ST6GALNAC6: variants seen among roughly 807,000 people sequenced by gnomAD.
ST6GALNAC6 encodes the protein ST6 N-acetylgalactosaminide alpha-2,6-sialyltransferase 6.
ST6GALNAC6 carries 19 observed loss-of-function variants against 34.3 expected under a neutral mutation model. The observed-to-expected ratio is 0.55, with a 90% CI of 0.39 to 0.81. The LOEUF (loss-of-function observed/expected upper bound fraction) is 0.81. Ranked by LOEUF, ST6GALNAC6 falls within the 40% of genes least tolerant of loss-of-function variation. The pLI is 0.00. For missense variants in ST6GALNAC6, 377 were observed against 467.7 expected (o/e 0.81, Z 1.79); for synonymous variants, 185 against 182.1 (o/e 1.02, Z -0.13).
Position 127,886,703 on chromosome 9 carries a change from G to C in ST6GALNAC6, c.898C>G (p.His300Asp). 1 of 1,614,174 alleles carries C rather than the reference G, an allele frequency of 6.2e-7. No individual in the cohort carries two copies. Among genetic ancestry groups the C allele is most frequent in the African/African-American group, 1.3e-5 (1 of 75,054 alleles). Residue 300 changes from histidine (H) to aspartate (D), a missense_variant, in exon 7 of 7, where the codon CAC becomes GAC. His to Asp is a moderately conservative substitution (Grantham distance 81). Transcript: ENST00000373146. ...CGGTGGTGGTTGCCCTTGCGACTGT[G>C]CTCATTCTGGATGTAGGTGACACAT... ...DECVTYIQNE[H>D]SRKGNHHRFI...
At chr9:127,899,255 G>A (rs1300928486) in intron 1 of ST6GALNAC6, 1 of 153,424 alleles carries the variant, frequency 6.5e-6, no homozygotes, top group African/African-American at 2.4e-5. Context: ...GGGAAGAAAA[G>A]AGAGGCAGGA....
chr9:127,896,131 G>T (rs887861933), intron 3 of ST6GALNAC6, 111 bp downstream of exon 3: 22 of 1,274,846 alleles, frequency 1.7e-5, no homozygotes, highest in Admixed American at 7.2e-5. Context: ...GCAGCTTCTT[G>T]CGGGGAAGAA....
chr9:127,901,365 G>A (rs939095221), upstream of ST6GALNAC6, among the ~76,000 whole-genome samples: 5 of 152,088 alleles, frequency 3.3e-5, no homozygotes, highest in South Asian at 2.1e-4. Flanking sequence ...GGAGGCAGGC[G>A]GATCACTTGA....
At chr9:127,898,535 T>A (rs1830607578) in intron 1 of ST6GALNAC6, among the ~76,000 whole-genome samples, 1 of 152,200 alleles carries the variant, frequency 6.6e-6, no homozygotes, top group South Asian at 2.1e-4. Context: ...AGTGAAACAC[T>A]CCTCCCCTGA....
chr9:127,906,259 A>G (rs1830913595), upstream of ST6GALNAC6, among the ~76,000 whole-genome samples: 1 of 152,090 alleles, frequency 6.6e-6, no homozygotes, highest in South Asian at 2.1e-4. Flanking sequence ...AAAACAAAAA[A>G]CAAAACAAAC....
intron 1 of ST6GALNAC6, 133 bp downstream of exon 1, chr9:127,899,370 T>TA (rs1830658514): frequency 4.3e-6 from 2 of 465,256 alleles, no homozygotes; most frequent in Non-Finnish European, 5.7e-6. Flanking sequence ...GGAAGGGGTC[T>TA]AGGGGTGCCG....
chr9:127,894,740 C>T (rs777770518), intron 3 of ST6GALNAC6, 49 bp from the exon 4 acceptor site: 73 of 1,443,996 alleles, frequency 5.1e-5, no homozygotes, highest in African/African-American at 4.5e-4. Context: ...GCAGGCTCAG[C>T]GCCCCCACCT....
At chr9:127,897,589 T>A (rs1830548668) in intron 2 of ST6GALNAC6, among the ~76,000 whole-genome samples, 1 of 151,682 alleles carries the variant, frequency 6.6e-6, no homozygotes, top group African/African-American at 2.4e-5. Flanking sequence ...CAGACTCCTA[T>A]CTAGTCCAGG....
rs1830078189 is a variant in ST6GALNAC6 at position 127,890,661 on chromosome 9, A to G, written c.680T>C (p.Phe227Ser). Residue 227 changes from phenylalanine to serine, a missense_variant, in exon 5 of 7, where the codon TTC becomes TCC. By Grantham distance (155) the Phe-to-Ser change is radical. Transcript: ENST00000373146. The surrounding 1 kb of genome is among the most constrained non-coding windows in gnomAD (Gnocchi z 4.3). ...PGRMRQFDDLFRGETGKDREK... is the reference protein window; with the variant it reads ...PGRMRQFDDLSRGETGKDREK... ...CCTGTCCTTGCCCGTCTCACCCCGG[A>G]AGAGGTCGTCAAATTGCCGCATGCG... 1 of 1,613,116 alleles carries G rather than the reference A, an allele frequency of 6.2e-7. No homozygotes were observed. The highest frequency in any genetic ancestry group is 8.5e-7 in the Non-Finnish European group (1 of 1,180,024).
In ST6GALNAC6 at chr9:127,887,359, G is replaced by A. The variant is rs1829837922; in HGVS notation, c.812+125C>T. On this transcript the variant is annotated intron_variant, in intron 6 of 6. Coordinates refer to ENST00000373146, the MANE Select transcript of ST6GALNAC6 (RefSeq NM_013443.5). ...AAGAAGCCTAGATCTCTGAAGAACA[G>A]TTTGAAAACAATGAAGCAGAGGCCC... is the stretch of plus-strand genomic sequence containing the variant. 9.9e-6 allele frequency: 7 copies of A among 709,422 alleles called. No homozygotes were observed. The South Asian group carries it at 1.2e-4, about 12-fold the overall frequency. 43.9% of individuals were successfully genotyped at this position (709,422 alleles called of 1,614,324 possible). A position where few individuals can be genotyped will look rare whatever the true frequency, so the allele number is the denominator to read the frequency against.
chr9:127,894,216 C>T (rs984179828), intron 4 of ST6GALNAC6, among the ~76,000 whole-genome samples: 1 of 152,198 alleles, frequency 6.6e-6, no homozygotes, highest in African/African-American at 2.4e-5. Context: ...GCTCTGCTCC[C>T]AAGCCTGTGT....
rs1830340405 is a variant in ST6GALNAC6, at chr9:127,894,643, G to A, written c.166C>T (p.Leu56Phe). 4 of 1,614,092 alleles carry A rather than the reference G, an allele frequency of 2.5e-6. No individual in the cohort carries two copies. Among genetic ancestry groups the A allele is most frequent in the African/African-American group, 1.3e-5 (1 of 74,944 alleles). ...GCACTGTTGGAGCTGTAGAGGATGA[G>A]GATGGTGATGAGGGCAAAGAGGATC... ...FVILFALITI[L>F]ILYSSNSANE... The change falls in exon 4 of 7, where the codon CTC (leucine) becomes TTC (phenylalanine). Residue 56 changes from leucine to phenylalanine, a missense_variant. By Grantham distance (22) the Leu-to-Phe change is conservative. Coordinates refer to ENST00000373146, the MANE Select transcript of ST6GALNAC6 (RefSeq NM_013443.5).
chr9:127,901,753 G>A (rs1271433461), upstream of ST6GALNAC6, among the ~76,000 whole-genome samples: 1 of 152,170 alleles, frequency 6.6e-6, no homozygotes, highest in African/African-American at 2.4e-5. Context: ...CCAACATGGT[G>A]AAGCCCAGTC....
chr9:127,888,398 G>A (rs561369214), intron 5 of ST6GALNAC6, among the ~76,000 whole-genome samples: 1 of 151,728 alleles, frequency 6.6e-6, no homozygotes, highest in East Asian at 1.9e-4. Context: ...CAGCTACATG[G>A]GAGACTGAGG....
At chr9:127,898,983 A>T (rs968951205) in intron 1 of ST6GALNAC6, among the ~76,000 whole-genome samples, 3 of 152,178 alleles carry the variant, frequency 2.0e-5, no homozygotes, top group Admixed American at 6.5e-5. Context: ...GCGGGAGCCG[A>T]GGGTGGGGGC....
At chr9:127,898,102 G>C in intron 1 of ST6GALNAC6, 92 bp from the exon 2 acceptor site, 3 of 745,874 alleles carry the variant, frequency 4.0e-6, no homozygotes, top group Non-Finnish European at 7.0e-6. Flanking sequence ...GCTTGAAAGT[G>C]CTCCCACATT....
intron 5 of ST6GALNAC6, among the ~76,000 whole-genome samples, chr9:127,889,619 A>G (rs1043420012): frequency 5.9e-5 from 9 of 151,540 alleles, no homozygotes; most frequent in African/African-American, 2.2e-4. Context: ...AATTTTTTGT[A>G]TCTTTACTAG....
At chr9:127,896,529 G>A (rs559733344) in intron 2 of ST6GALNAC6, among the ~76,000 whole-genome samples, 197 bp from the exon 3 acceptor site, 8 of 152,342 alleles carry the variant, frequency 5.3e-5, no homozygotes, top group East Asian at 1.9e-4. Flanking sequence ...GCCTGGTGGC[G>A]GCAGAGCCCT....
upstream of ST6GALNAC6, chr9:127,899,682 G>T (rs1392396099): frequency 1.0e-6 from 1 of 983,736 alleles, no homozygotes; most frequent in Non-Finnish European, 1.2e-6. Flanking sequence ...GAGCCTCGGG[G>T]CCGCGGGTGG....
Sources: gnomAD v4.1 joint callset for allele counts (sites outside exome capture counted in the v4.1 genomes callset) on GRCh38, gnomAD v4.1.1 for gene constraint, Gnocchi (gnomAD v3.1) non-coding constraint, MANE v1.5 for transcripts, NCBI Gene and HGNC (gene_info 2026-07-23, HGNC 2026-07-21) for gene names.